Variants in CD247 observed in about 807,000 individuals in gnomAD.
CD247 encodes the protein CD247 molecule.
CD247 carries 13 observed loss-of-function variants against 30.0 expected under a neutral mutation model. The ratio of observed to expected loss-of-function variants is 0.43; its 90% confidence interval spans 0.28 to 0.69. The LOEUF (loss-of-function observed/expected upper bound fraction) is 0.69. CD247 is among the 30% of genes least tolerant of loss of function. The pLI is 0.16. For missense variants in CD247, 193 were observed against 212.6 expected, an observed-to-expected ratio of 0.91 and a Z score of 0.57; for synonymous variants, 72 against 80.0, an observed-to-expected ratio of 0.90 and a Z score of 0.53.
rs138035549 is a variant in CD247 at position 167,453,249 on chromosome 1, C to T, written c.59-12482G>A. ...CTAACAACAATTGAGTGAGGTAAGC[C>T]GGGTAGATCTTATTTGCTCCACTTT... On this transcript the variant is annotated intron_variant, in intron 1 of 7. Coordinates refer to ENST00000362089, the MANE Select transcript of CD247 (RefSeq NM_198053.3). 3.2e-3 allele frequency among the ~76,000 whole-genome samples: 481 copies of T among 151,974 alleles called. 4 individuals are homozygous for T. Among genetic ancestry groups the T allele is most frequent in the African/African-American group, 0.011 (458 of 41,428 alleles).
At chr1:167,487,100 C>T (rs931249795) in intron 1 of CD247, among the ~76,000 whole-genome samples, 7 of 146,428 alleles carry the variant, frequency 4.8e-5, no homozygotes, top group South Asian at 4.3e-4. Context: ...AGAAAACGGC[C>T]GGGTGTGATG....
At chr1:167,455,706 C>T (rs971804817) in intron 1 of CD247, among the ~76,000 whole-genome samples, 5 of 152,254 alleles carry the variant, frequency 3.3e-5, no homozygotes, top group African/African-American at 1.2e-4. Flanking sequence ...CGAACCGCAC[C>T]CGCCCCCAGG....
chr1:167,452,222 T>C (rs760182554), intron 1 of CD247, among the ~76,000 whole-genome samples: 1 of 149,254 alleles, frequency 6.7e-6, no homozygotes, highest in Non-Finnish European at 1.5e-5. Context: ...CGAAACTCCA[T>C]CTCAAACAAA....
At chr1:167,485,533 G>A (rs1226488967) in intron 1 of CD247, among the ~76,000 whole-genome samples, 2 of 151,284 alleles carry the variant, frequency 1.3e-5, no homozygotes, top group African/African-American at 2.4e-5. Context: ...CCAGGAAAAC[G>A]ACCCACTCAC....
intron 1 of CD247, among the ~76,000 whole-genome samples, chr1:167,473,482 G>A (rs1293415262): frequency 2.6e-5 from 4 of 152,052 alleles, no homozygotes; most frequent in Admixed American, 1.3e-4. Context: ...AGAGCTTCTC[G>A]CCAACTCCTT....
chr1:167,434,344 G>A (rs1651423252), intron 5 of CD247: 1 of 534,678 alleles, frequency 1.9e-6, no homozygotes, highest in Non-Finnish European at 3.4e-6. Context: ...GGCTCAAAAA[G>A]ATAGGAGGTG....
chr1:167,437,849 T>G (rs746529118), intron 4 of CD247, among the ~76,000 whole-genome samples: 42 of 152,184 alleles, frequency 2.8e-4, no homozygotes, highest in Non-Finnish European at 4.4e-4. Flanking sequence ...TTAATATCTC[T>G]AAGAGTAAGT....
Position 167,509,365 on chromosome 1 carries a change from G to C in CD247, c.58+9043C>G, listed in dbSNP as rs1185598060. Among the ~76,000 whole-genome samples, 12 of 111,170 alleles carry C rather than the reference G, an allele frequency of 1.1e-4. No homozygotes were observed. In the East Asian group the frequency reaches 2.6e-3, roughly 24 times the overall value. 72.9% of individuals were successfully genotyped at this position (111,170 alleles called of 152,430 possible). A position where few individuals can be genotyped will look rare whatever the true frequency, so the allele number is the denominator to read the frequency against. ...GTCAACAAGAGCGAAGCGAAACTCT[G>C]TCTCAAAAAAAAAAAAAAAAAAAAA... is the stretch of plus-strand genomic sequence containing the variant. On this transcript the variant is annotated intron_variant, in intron 1 of 7. Coordinates refer to ENST00000362089, the MANE Select transcript of CD247 (RefSeq NM_198053.3).
At chr1:167,433,999 T>C (rs1441275552) in intron 6 of CD247, 21 bp downstream of exon 6, 1 of 1,609,788 alleles carries the variant, frequency 6.2e-7, no homozygotes, top group Admixed American at 1.7e-5. Flanking sequence ...CCCTCGGAAA[T>C]TAAGAAACAG....
At chr1:167,506,149 C>T (rs12120429) in intron 1 of CD247, among the ~76,000 whole-genome samples, 22,147 of 152,068 alleles carry the variant, frequency 0.15, 1,752 homozygotes, top group South Asian at 0.3. Flanking sequence ...TCAAATATTC[C>T]GAGATTCTGA....
At chr1:167,442,681 G>T (rs775568132) in intron 1 of CD247, among the ~76,000 whole-genome samples, 1 of 152,032 alleles carries the variant, frequency 6.6e-6, no homozygotes, top group Non-Finnish European at 1.5e-5. Flanking sequence ...CCTCCCTGAC[G>T]AACTATGGAA....
At position 167,440,697 on chromosome 1, in the gene CD247, A is replaced by G. The variant is rs748156337; in HGVS notation, c.129T>C (p.Gly43=). 1.9e-6 allele frequency: 3 copies of G among 1,613,782 alleles called. No individual in the cohort carries two copies. Among genetic ancestry groups the G allele is most frequent in the Admixed American group, 1.7e-5 (1 of 60,010 alleles). The change falls in exon 2 of 8, where the codon GGT becomes GGC. Residue 43 remains glycine, a synonymous_variant. Coordinates refer to ENST00000362089, the MANE Select transcript of CD247 (RefSeq NM_198053.3). ...TCAGGAACAAGGCAGTGAGAATGAC[A>G]CCATAGATGAAGAGGATTCCATCCA... is the stretch of plus-strand genomic sequence containing the variant. ...YLLDGILFIY[G]VILTALFLRV... is the part of the protein sequence containing the mutation.
chr1:167,473,052 G>A (rs1285497836), intron 1 of CD247, among the ~76,000 whole-genome samples: 1 of 151,196 alleles, frequency 6.6e-6, no homozygotes, highest in Non-Finnish European at 1.5e-5. Flanking sequence ...GGCCTTGAAG[G>A]ATATCAGATG....
chr1:167,435,895 G>T (rs1723023), intron 4 of CD247, among the ~76,000 whole-genome samples: 1 of 152,106 alleles, frequency 6.6e-6, no homozygotes. Flanking sequence ...GGTGAGGAGT[G>T]GTCAATGAAA....
rs56389214 is a variant in CD247 at position 167,431,442 on chromosome 1, G to A, written c.*239C>T. On this transcript the variant is annotated 3_prime_UTR_variant, in exon 8 of 8. Coordinates refer to ENST00000362089, the MANE Select transcript of CD247 (RefSeq NM_198053.3). ...AGGAGACAGGTCTACCTGCACCACCGGCAAACCAGAGGGCCCAAGGCCAGG... is the reference window on the plus strand; with the variant it reads ...AGGAGACAGGTCTACCTGCACCACCAGCAAACCAGAGGGCCCAAGGCCAGG... 36 of 606,670 alleles carry A rather than the reference G, an allele frequency of 5.9e-5. 1 individual carries two copies. Among genetic ancestry groups the A allele is most frequent in the South Asian group, 5.2e-4 (26 of 50,300 alleles). The allele number at this position is 606,670 out of a possible 1,614,324, so 37.6% of individuals were successfully genotyped here. A position where few individuals can be genotyped will look rare whatever the true frequency, so the allele number is the denominator to read the frequency against.
In CD247 at chr1:167,431,729, G is replaced by C. The variant is rs769754355; in HGVS notation, c.447C>G (p.Thr149=). 1 of 1,614,014 alleles carries C rather than the reference G, an allele frequency of 6.2e-7. No individual in the cohort carries two copies. The highest frequency in any genetic ancestry group is 1.1e-5 in the South Asian group (1 of 91,062). ...TGTGAAGGGCGTCGTAGGTGTCCTTGGTGGCTGTACTGAGACCCTGGCGTG... is the reference window on the plus strand; with the variant it reads ...TGTGAAGGGCGTCGTAGGTGTCCTTCGTGGCTGTACTGAGACCCTGGCGTG... ...DGLYQGLSTA[T]KDTYDALHMQ... The change falls in exon 8 of 8, where the codon ACC becomes ACG. Residue 149 remains threonine, a synonymous_variant. Coordinates refer to ENST00000362089, the MANE Select transcript of CD247 (RefSeq NM_198053.3).
intron 1 of CD247, among the ~76,000 whole-genome samples, chr1:167,476,334 C>T (rs914168326): frequency 6.6e-6 from 1 of 152,216 alleles, no homozygotes; most frequent in Non-Finnish European, 1.5e-5. Context: ...CCCTACCAAG[C>T]AAATAGAATG....
intron 1 of CD247, among the ~76,000 whole-genome samples, chr1:167,446,723 G>A (rs1652098739): frequency 1.3e-5 from 2 of 152,236 alleles, no homozygotes; most frequent in South Asian, 4.1e-4. Context: ...GCCAGGCGCG[G>A]TGGCTCACGC....
intron 4 of CD247, among the ~76,000 whole-genome samples, chr1:167,437,117 C>A (rs571880014): frequency 4.5e-4 from 69 of 152,222 alleles, no homozygotes; most frequent in Middle Eastern, 3.4e-3. Context: ...TTAACAATAA[C>A]CAAGGCTGGG....
Sources: gnomAD v4.1 joint callset for allele counts (sites outside exome capture counted in the v4.1 genomes callset) on GRCh38, gnomAD v4.1.1 for gene constraint, MANE v1.5 for transcripts, NCBI Gene and HGNC (gene_info 2026-07-23, HGNC 2026-07-21) for gene names.